PCDHGA5: variants seen among roughly 807,000 people sequenced by gnomAD.
The protein encoded by PCDHGA5 is protocadherin gamma subfamily A, 5.
PCDHGA5 carries 36 observed loss-of-function variants against 56.7 expected under a neutral mutation model. The observed-to-expected ratio is 0.64, with a 90% confidence interval of 0.49 to 0.84. The LOEUF (loss-of-function observed/expected upper bound fraction) is 0.84. Ranked by LOEUF, PCDHGA5 falls within the 40% of genes least tolerant of loss-of-function variation. The pLI, the probability that PCDHGA5 is intolerant of heterozygous loss-of-function variation, is 0.00. For missense variants in PCDHGA5, 1,305 were observed against 1,201.5 expected, an observed-to-expected ratio of 1.09 and a Z score of -1.27; for synonymous variants, 563 against 520.2, an observed-to-expected ratio of 1.08 and a Z score of -1.12.
intron 1 of PCDHGA5, chr5:141,384,690 T>C (rs368242169): frequency 4.7e-5 from 76 of 1,613,884 alleles, no homozygotes; most frequent in Non-Finnish European, 5.9e-5. Context: ...TGGACAAAGA[T>C]TCAGGCCAGA....
At chr5:141,463,738 G>C (rs1002263384) in intron 1 of PCDHGA5, among the ~76,000 whole-genome samples, 1 of 151,978 alleles carries the variant, frequency 6.6e-6, no homozygotes, top group East Asian at 1.9e-4. Flanking sequence ...GAGCCACCGC[G>C]CCCGGCCTGC....
chr5:141,375,376 T>C (rs369693089), intron 1 of PCDHGA5: 1 of 1,613,930 alleles, frequency 6.2e-7, no homozygotes, highest in Non-Finnish European at 8.5e-7. Flanking sequence ...GAACACCACC[T>C]CTGTCTACAG....
chr5:141,405,698 G>C (rs1274236930), intron 1 of PCDHGA5, among the ~76,000 whole-genome samples: 1 of 152,128 alleles, frequency 6.6e-6, no homozygotes, highest in Non-Finnish European at 1.5e-5. Flanking sequence ...GGCTGGTCTT[G>C]AATTCCTAAC....
At chr5:141,435,435 T>G (rs2097763289) in intron 1 of PCDHGA5, among the ~76,000 whole-genome samples, 1 of 152,212 alleles carries the variant, frequency 6.6e-6, no homozygotes. Context: ...TGTTATGCAT[T>G]TCATTAATAC....
chr5:141,394,803 G>A lies in PCDHGA5; in HGVS notation c.2421+28052G>A, dbSNP rs143444747. The A allele has an allele frequency of 2.5e-6, 4 of 1,613,844 alleles. No homozygotes were observed. In the African/African-American group the frequency reaches 4.0e-5, roughly 16 times the overall value. On this transcript the variant is annotated intron_variant, in intron 1 of 3. Coordinates refer to ENST00000518069, the MANE Select transcript of PCDHGA5 (RefSeq NM_018918.3). Reference sequence around the variant, plus strand: ...CGCCACTGTCACGCTCACCGTAGCCGTGGCTGACAGCATCCCCGAAGTCCT... The same window carrying A: ...CGCCACTGTCACGCTCACCGTAGCCATGGCTGACAGCATCCCCGAAGTCCT...
In PCDHGA5 at chr5:141,491,198, A is replaced by T. The variant is rs1344758185; in HGVS notation, c.2422-3609A>T. ...GTGGTCCTGGTGAGGGACAATGGTG[A>T]CCCTTCACTCTCCTCCACAGCCACA... On this transcript the variant is annotated intron_variant, in intron 1 of 3. Coordinates refer to ENST00000518069, the MANE Select transcript of PCDHGA5 (RefSeq NM_018918.3). This position sits in a 1 kb window ranked among gnomAD's most constrained non-coding sequence, Gnocchi z 6.9. 1.2e-6 allele frequency: 2 copies of T among 1,613,912 alleles called. No individual in the cohort carries two copies. The highest frequency in any genetic ancestry group is 1.3e-5 in the African/African-American group (1 of 74,866).
chr5:141,385,110 C>G (rs1315178545), intron 1 of PCDHGA5: 2 of 1,614,194 alleles, frequency 1.2e-6, no homozygotes, highest in South Asian at 2.2e-5. Flanking sequence ...ACGTGCCCAC[C>G]TCGCACTTTG....
intron 1 of PCDHGA5, chr5:141,413,430 C>T (rs745782366): frequency 6.2e-7 from 1 of 1,614,078 alleles, no homozygotes; most frequent in Admixed American, 1.7e-5. Context: ...ACCCGCGCAG[C>T]GGCAGCTTGA....
In PCDHGA5 at chr5:141,432,250, A is replaced by G. The variant is rs777728825; in HGVS notation, c.2422-62557A>G. 2 of 1,614,234 alleles carry G rather than the reference A, an allele frequency of 1.2e-6. No homozygotes were observed. Among genetic ancestry groups the G allele is most frequent in the Admixed American group, 1.7e-5 (1 of 60,026 alleles). ...ATTCCCTGGCTGAGAACACCATCCA[A>G]GGGGCAAGCCTATCGTCCTACGTGT... On this transcript the variant is annotated intron_variant, in intron 1 of 3. Transcript: ENST00000518069. The surrounding 1 kb of genome is among the most constrained non-coding windows in gnomAD (Gnocchi z 6.0).
At chr5:141,414,834 C>T in intron 1 of PCDHGA5, 1 of 1,614,252 alleles carries the variant, frequency 6.2e-7, no homozygotes, top group South Asian at 1.1e-5. Context: ...TGTCGTTGAG[C>T]CTGTTTGTGC....
chr5:141,399,753 G>A (rs1418820057), intron 1 of PCDHGA5: 6 of 1,613,252 alleles, frequency 3.7e-6, no homozygotes, highest in Middle Eastern at 1.7e-4. Flanking sequence ...GCGCAAACGT[G>A]AGCCTGCGCG....
At position 141,395,074 on chromosome 5, in the gene PCDHGA5, C is replaced by T. The variant is rs368699767; in HGVS notation, c.2421+28323C>T. The T allele has an allele frequency of 3.9e-5, 63 of 1,614,048 alleles. No homozygotes were observed. The African/African-American group carries it at 6.0e-4, about 15-fold the overall frequency. Reference sequence around the variant, plus strand: ...GTACAGGCTTTCCTGCAGACCTATTCCCAGGAAGTCTCCCTCACCGCCGAC... The same window carrying T: ...GTACAGGCTTTCCTGCAGACCTATTTCCAGGAAGTCTCCCTCACCGCCGAC... On this transcript the variant is annotated intron_variant, in intron 1 of 3. Transcript: ENST00000518069.
intron 1 of PCDHGA5, chr5:141,370,594 G>A (rs755061180): frequency 1.2e-6 from 2 of 1,613,892 alleles, no homozygotes; most frequent in Admixed American, 1.7e-5. Context: ...AGGAACCTGC[G>A]GGTTATTGCA....
At chr5:141,478,563 C>G (rs1484075735) in intron 1 of PCDHGA5, 16 of 1,596,154 alleles carry the variant, frequency 1.0e-5, no homozygotes, top group African/African-American at 1.3e-5. Context: ...TTTAGCAAGT[C>G]ATGCTTGACC....
At position 141,379,404 on chromosome 5, in the gene PCDHGA5, G is replaced by C. The variant is rs146281241; in HGVS notation, c.2421+12653G>C. ...ACAATTTTAAACAACTTGAATCTTGGATATTAGTCTCATGAGTTAGATGGG... is the reference window on the plus strand; with the variant it reads ...ACAATTTTAAACAACTTGAATCTTGCATATTAGTCTCATGAGTTAGATGGG... On this transcript the variant is annotated intron_variant, in intron 1 of 3. Coordinates refer to ENST00000518069, the MANE Select transcript of PCDHGA5 (RefSeq NM_018918.3). 549 of 152,154 alleles carry C rather than the reference G, an allele frequency of 3.6e-3. 6 individuals are homozygous for C. Among genetic ancestry groups the C allele is most frequent in the African/African-American group, 0.012 (518 of 41,502 alleles). 9.4% of individuals were successfully genotyped at this position (152,154 alleles called of 1,614,324 possible). A position where few individuals can be genotyped will look rare whatever the true frequency, so the allele number is the denominator to read the frequency against.
chr5:141,415,823 G>T (rs529200891), intron 1 of PCDHGA5: 1 of 1,316,022 alleles, frequency 7.6e-7, no homozygotes, highest in East Asian at 2.8e-5. Context: ...ATATCATAAG[G>T]CTTTGTTATG....
chr5:141,430,369 A>G (rs564811230), intron 1 of PCDHGA5, among the ~76,000 whole-genome samples: 1 of 151,582 alleles, frequency 6.6e-6, no homozygotes, highest in East Asian at 1.9e-4. Flanking sequence ...ATTGGGGAAA[A>G]AAAAGCTCAT....
chr5:141,376,676 G>GTCTTTTTTT (rs1773033495), intron 1 of PCDHGA5: 1 of 275,812 alleles, frequency 3.6e-6, no homozygotes, highest in Admixed American at 6.8e-5. Context: ...TGAGGGTATC[G>GTCTTTTTTT]TTTTTTTTTT....
In PCDHGA5 at chr5:141,485,089, G is replaced by C; in HGVS notation, c.2422-9718G>C. 9.7e-7 allele frequency: 1 copy of C among 1,027,236 alleles called. No individual in the cohort carries two copies. The highest frequency in any genetic ancestry group is 1.5e-6 in the Non-Finnish European group (1 of 674,564). The allele number at this position is 1,027,236 out of a possible 1,614,324, so 63.6% of individuals were successfully genotyped here. On this transcript the variant is annotated intron_variant, in intron 1 of 3. Coordinates refer to ENST00000518069, the MANE Select transcript of PCDHGA5 (RefSeq NM_018918.3). This position sits in a 1 kb window ranked among gnomAD's most constrained non-coding sequence, Gnocchi z 5.7. ...GAGCTGGCGCGGGGAAAGGGAGATA[G>C]GTGTCTCCAGCTGCTGTGGCTGTTT... is the stretch of plus-strand genomic sequence containing the variant.
Sources: allele counts gnomAD v4.1 joint callset (sites outside exome capture counted in the v4.1 genomes callset), GRCh38; gene constraint gnomAD v4.1.1; non-coding constraint Gnocchi (gnomAD v3.1); transcripts MANE v1.5; gene names NCBI Gene and HGNC (gene_info 2026-07-23, HGNC 2026-07-21).